The following APPL2 variants were observed in gnomAD, a reference collection of about 807,000 sequenced individuals.
APPL2 encodes DCC-interacting protein 13-beta.
Under a neutral mutation model 92.7 loss-of-function variants are expected in APPL2, and 84 were observed. The observed-to-expected ratio is 0.91, with a 90% CI of 0.76 to 1.09. The LOEUF is 1.09. Among genes scored for constraint, APPL2 ranks in the 50% least tolerant of loss-of-function variants. The pLI is 0.00. For synonymous variants in APPL2, 291 were observed against 291.0 expected (o/e 1.00, Z 0.00); for missense variants, 736 against 824.5 (o/e 0.89, Z 1.31).
Position 105,195,518 on chromosome 12 carries a change from A to G in APPL2, c.1096-17T>C, listed in dbSNP as rs374828814. The G allele has an allele frequency of 6.2e-7, 1 of 1,614,260 alleles. No homozygotes were observed. The highest frequency in any genetic ancestry group is 8.5e-7 in the Non-Finnish European group (1 of 1,180,042). Reference sequence around the variant, plus strand: ...ACATATCCACTGTAGAGGACATTAAAAAAGAACACTGAATCCCAAAGTCAC... The same window carrying G: ...ACATATCCACTGTAGAGGACATTAAGAAAGAACACTGAATCCCAAAGTCAC... On this transcript the variant is annotated splice_polypyrimidine_tract_variant and intron_variant, in intron 12 of 20. Coordinates refer to ENST00000258530, the MANE Select transcript of APPL2 (RefSeq NM_018171.5).
At chr12:105,207,482 C>T (rs1752897605) in intron 7 of APPL2, among the ~76,000 whole-genome samples, 1 of 152,192 alleles carries the variant, frequency 6.6e-6, no homozygotes, top group African/African-American at 2.4e-5. Context: ...AACAATATGG[C>T]AGCATGTACT....
At chr12:105,205,074 TAGTG>T (rs1467799311) in intron 8 of APPL2, among the ~76,000 whole-genome samples, 2 of 152,112 alleles carry the variant, frequency 1.3e-5, no homozygotes, top group Non-Finnish European at 2.9e-5. Flanking sequence ...ACAACTGCCT[TAGTG>T]AGCAGCAGGA....
chr12:105,230,037 C>A (rs904024768), intron 1 of APPL2, among the ~76,000 whole-genome samples: 5 of 152,148 alleles, frequency 3.3e-5, no homozygotes, highest in Admixed American at 6.5e-5. Flanking sequence ...ACCATGGCCT[C>A]CCAAAATGCT....
chr12:105,215,310 T>C lies in APPL2; in HGVS notation c.285+1759A>G, dbSNP rs536189314. On this transcript the variant is annotated intron_variant, in intron 4 of 20. Transcript: ENST00000258530. The stretch of plus-strand genomic sequence containing the variant: ...GATATGTCAGAATTGAGTTAAATTG[T>C]AGGACAGCCAGTTAGTGTCACAGAA... 1.8e-4 allele frequency among the ~76,000 whole-genome samples: 27 copies of C among 152,246 alleles called. 1 individual carries two copies. Among genetic ancestry groups the C allele is most frequent in the African/African-American group, 6.3e-4 (26 of 41,532 alleles).
chr12:105,233,506 T>C (rs1891063739), intron 1 of APPL2: 1 of 585,500 alleles, frequency 1.7e-6, no homozygotes, highest in Non-Finnish European at 2.2e-6. Context: ...TCAGTTCAAT[T>C]ACAAAAGCTT....
chr12:105,198,852 G>T (rs1415031695), intron 10 of APPL2, among the ~76,000 whole-genome samples: 2 of 152,178 alleles, frequency 1.3e-5, no homozygotes, highest in African/African-American at 4.8e-5. Flanking sequence ...ACCACACCAT[G>T]ACAATATCCT....
At chr12:105,201,872 C>A (rs977912114) in intron 9 of APPL2, among the ~76,000 whole-genome samples, 2 of 152,168 alleles carry the variant, frequency 1.3e-5, no homozygotes, top group African/African-American at 2.4e-5. Flanking sequence ...ATTCCCACCA[C>A]TGGGTTCTGA....
Position 105,208,139 on chromosome 12 carries a change from G to A in APPL2, c.415+19C>T. On this transcript the variant is annotated intron_variant, in intron 6 of 20. Coordinates refer to ENST00000258530, the MANE Select transcript of APPL2 (RefSeq NM_018171.5). ...GTAAGCCCACACACCCACACACCAG[G>A]AATGGAGAAGGTGCCTACCATTGCT... is the stretch of plus-strand genomic sequence containing the variant. 6.2e-7 allele frequency: 1 copy of A among 1,614,094 alleles called. No homozygotes were observed. The highest frequency in any genetic ancestry group is 8.5e-7 in the Non-Finnish European group (1 of 1,179,942).
rs1009813727 is a variant in APPL2, at chr12:105,199,500, T to C, written c.736A>G (p.Lys246Glu). The C allele has an allele frequency of 6.2e-6, 10 of 1,613,886 alleles. No homozygotes were observed. The highest frequency in any genetic ancestry group is 1.1e-5 in the South Asian group (1 of 91,076). Residue 246 changes from lysine to glutamate, a missense_variant, in exon 10 of 21, where the codon AAG (lysine) becomes GAG (glutamate). Coordinates refer to ENST00000258530, the MANE Select transcript of APPL2 (RefSeq NM_018171.5). The stretch of plus-strand genomic sequence containing the variant: ...AATTCTTGCTGGGACACCCGCATCT[T>C]TTCCGCCTCGGCTTCCAGTTCTACC... ...IQVELEAEAE[K>E]MRVSQQELLS...
At chr12:105,213,921 T>C (rs1889427365) in intron 4 of APPL2, among the ~76,000 whole-genome samples, 1 of 152,090 alleles carries the variant, frequency 6.6e-6, no homozygotes, top group Non-Finnish European at 1.5e-5. Context: ...GCGTGGTGGC[T>C]CACACCTGTA....
chr12:105,191,667 A>T (rs1887210436), intron 14 of APPL2, among the ~76,000 whole-genome samples: 1 of 152,120 alleles, frequency 6.6e-6, no homozygotes, highest in Admixed American at 6.5e-5. Flanking sequence ...GTTAAGTTTC[A>T]CCTGTACAGG....
At chr12:105,179,050 T>C (rs368043131) in intron 17 of APPL2, among the ~76,000 whole-genome samples, 1 of 152,194 alleles carries the variant, frequency 6.6e-6, no homozygotes, top group Admixed American at 6.5e-5. Flanking sequence ...GTTTGTTACA[T>C]AGGTATACAT....
Position 105,186,667 on chromosome 12 carries a change from T to TATATATGATATCGATATTATATC in APPL2, c.1634+1605_1634+1606insGATATAATATCGATATCATATAT, listed in dbSNP as rs1886709583. ...TATGATATCGATATCATATATATCA[T>TATATATGATATCGATATTATATC]ATATATGATATATCATATATATATC... On this transcript the variant is annotated intron_variant, in intron 17 of 20. Coordinates refer to ENST00000258530, the MANE Select transcript of APPL2 (RefSeq NM_018171.5). Among the ~76,000 whole-genome samples, 15 of 33,114 alleles carry TATATATGATATCGATATTATATC rather than the reference T, an allele frequency of 4.5e-4. 1 individual carries two copies. The South Asian group carries it at 5.1e-3, about 11-fold the overall frequency. 21.7% of individuals were successfully genotyped at this position (33,114 alleles called of 152,430 possible).
chr12:105,211,032 T>C (rs1466670504), intron 5 of APPL2, among the ~76,000 whole-genome samples, 198 bp downstream of exon 5: 2 of 152,228 alleles, frequency 1.3e-5, no homozygotes, highest in Non-Finnish European at 2.9e-5. Context: ...TCCACACCTG[T>C]CTTCTCACTG....
intron 2 of APPL2, among the ~76,000 whole-genome samples, chr12:105,219,981 C>G (rs1336645242): frequency 6.6e-6 from 1 of 152,252 alleles, no homozygotes; most frequent in African/African-American, 2.4e-5. Flanking sequence ...ATGCTAAATG[C>G]ATTCTGTGCA....
At chr12:105,229,315 C>T in intron 1 of APPL2, 92 bp from the exon 2 acceptor site, 6 of 1,184,058 alleles carry the variant, frequency 5.1e-6, no homozygotes, top group Non-Finnish European at 1.2e-6. Flanking sequence ...CATGCAGAAA[C>T]CAGAATGCGA....
chr12:105,198,842 A>G (rs1887889290), intron 10 of APPL2, among the ~76,000 whole-genome samples: 1 of 152,244 alleles, frequency 6.6e-6, no homozygotes, highest in Non-Finnish European at 1.5e-5. Flanking sequence ...TGCTTTTCAC[A>G]CCACACCATG....
chr12:105,216,517 A>T (rs1889707811), intron 4 of APPL2, among the ~76,000 whole-genome samples: 1 of 152,190 alleles, frequency 6.6e-6, no homozygotes, highest in Admixed American at 6.5e-5. Flanking sequence ...GATTGTCACT[A>T]AATCCAATGC....
intron 3 of APPL2, 78 bp from the exon 4 acceptor site, chr12:105,217,218 G>C: frequency 2.2e-6 from 2 of 901,182 alleles, no homozygotes; most frequent in Non-Finnish European, 3.5e-6. Context: ...TGCAGAACAC[G>C]ACCCTCCACA....
Sources: allele counts gnomAD v4.1 joint callset (sites outside exome capture counted in the v4.1 genomes callset), GRCh38; gene constraint gnomAD v4.1.1; transcripts MANE v1.5; gene names NCBI Gene and HGNC (gene_info 2026-07-23, HGNC 2026-07-21).